FHAD1: variants seen among roughly 807,000 people sequenced by gnomAD.
FHAD1 encodes forkhead-associated domain-containing protein 1.
A neutral mutation model predicts 191.3 loss-of-function variants in FHAD1; 146 were observed. The ratio of observed to expected loss-of-function variants is 0.76; its 90% CI spans 0.67 to 0.88. FHAD1 has a LOEUF of 0.88. Ranked by LOEUF, FHAD1 falls within the 40% of genes least tolerant of loss-of-function variation. The pLI, the probability that FHAD1 is intolerant of heterozygous loss-of-function variation, is 0.00. For missense variants in FHAD1, 1,635 were observed against 1,785.8 expected (o/e 0.92, Z 1.52); for synonymous variants, 616 against 672.3 (o/e 0.92, Z 1.29).
chr1:15,239,008 T>A (rs189856108), intron 1 of FHAD1, among the ~76,000 whole-genome samples: 8 of 152,216 alleles, frequency 5.3e-5, no homozygotes, highest in Non-Finnish European at 8.8e-5. Context: ...CCTGGGCTGA[T>A]GCAATCCTCC....
At chr1:15,248,362 G>A (rs912190820) in intron 1 of FHAD1, among the ~76,000 whole-genome samples, 1 of 151,920 alleles carries the variant, frequency 6.6e-6, no homozygotes, top group Non-Finnish European at 1.5e-5. Context: ...AGAGACAAAG[G>A]ATGTTATTAC....
rs535031237 is a variant in FHAD1, at chr1:15,311,456, C to T, written c.1040-1601C>T. Among the ~76,000 whole-genome samples, 1 of 152,294 alleles carries T rather than the reference C, an allele frequency of 6.6e-6. No individual in the cohort carries two copies. Among genetic ancestry groups the T allele is most frequent in the South Asian group, 2.1e-4 (1 of 4,818 alleles). On this transcript the variant is annotated intron_variant, in intron 7 of 33. Transcript: ENST00000688493. This position sits in a 1 kb window ranked among gnomAD's most constrained non-coding sequence, Gnocchi z 4.1. ...CACTACACAGGGCACCTGGTAGAGA[C>T]TCAAGCCAAATTCATTCTAGAGAAA... is the stretch of plus-strand genomic sequence containing the variant.
chr1:15,300,801 C>T (rs1462088089), intron 5 of FHAD1, among the ~76,000 whole-genome samples: 1 of 152,120 alleles, frequency 6.6e-6, no homozygotes, highest in Non-Finnish European at 1.5e-5. Flanking sequence ...TGCCTGCCTG[C>T]CCTTACTTTC....
Position 15,316,308 on chromosome 1 carries a change from G to GC in FHAD1, c.1171-66dup. On this transcript the variant is annotated intron_variant, in intron 8 of 33. Transcript: ENST00000688493. This position sits in a 1 kb window ranked among gnomAD's most constrained non-coding sequence, Gnocchi z 4.3. ...TCAGGGGCTCACATGGGGCCTTGGAGCCCCTCCTTCCCCCGACAACCCTAC... is the reference window on the plus strand; with the variant it reads ...TCAGGGGCTCACATGGGGCCTTGGAGCCCCCTCCTTCCCCCGACAACCCTAC... 8.0e-7 allele frequency: 1 copy of GC among 1,256,554 alleles called. No individual in the cohort carries two copies. Among genetic ancestry groups the GC allele is most frequent in the Non-Finnish European group, 1.1e-6 (1 of 882,928 alleles). 77.8% of individuals were successfully genotyped at this position (1,256,554 alleles called of 1,614,324 possible). A position where few individuals can be genotyped will look rare whatever the true frequency, so the allele number is the denominator to read the frequency against.
At chr1:15,317,537 G>A (rs1674873130) in intron 9 of FHAD1, among the ~76,000 whole-genome samples, 1 of 152,246 alleles carries the variant, frequency 6.6e-6, no homozygotes, top group African/African-American at 2.4e-5. Context: ...GGTTTCAAGT[G>A]AGTTGATGGG....
Position 15,249,774 on chromosome 1 carries a change from C to T in FHAD1, c.-14-1997C>T, listed in dbSNP as rs140364756. Among the ~76,000 whole-genome samples, 994 of 152,214 alleles carry T rather than the reference C, an allele frequency of 6.5e-3. 3 individuals are homozygous for T. Among genetic ancestry groups the T allele is most frequent in the Non-Finnish European group, 0.011 (734 of 68,018 alleles). ...TCCCAAGTGACAACCTCTCCCTCCCCCCACTCAGTCACTCTCTCTGCTCCC... is the reference window on the plus strand; with the variant it reads ...TCCCAAGTGACAACCTCTCCCTCCCTCCACTCAGTCACTCTCTCTGCTCCC... On this transcript the variant is annotated intron_variant, in intron 1 of 33. Coordinates refer to ENST00000688493, the MANE Select transcript of FHAD1 (RefSeq NM_001391957.1).
intron 26 of FHAD1, among the ~76,000 whole-genome samples, chr1:15,372,007 C>G (rs913718995): frequency 1.3e-5 from 2 of 152,210 alleles, no homozygotes; most frequent in Non-Finnish European, 2.9e-5. Context: ...AAAGACTGCT[C>G]TCACGGAGCC....
intron 4 of FHAD1, among the ~76,000 whole-genome samples, chr1:15,290,286 G>T (rs1051441809): frequency 2.0e-5 from 3 of 152,058 alleles, no homozygotes; most frequent in Admixed American, 6.6e-5. Flanking sequence ...CATGGCACTT[G>T]GGGAGGAAAC....
rs1286164952 is a variant in FHAD1, at chr1:15,251,671, A to G, written c.-14-100A>G. The G allele has an allele frequency of 1.2e-5, 11 of 904,606 alleles. No individual in the cohort carries two copies. In the South Asian group the frequency reaches 1.6e-4, roughly 13 times the overall value. 56.0% of individuals were successfully genotyped at this position (904,606 alleles called of 1,614,324 possible). Reference sequence around the variant, plus strand: ...CCCCTCTTCTGATTTCTCACTTTGGACATGACTCTGTGGTTATTTCATTCA... The same window carrying G: ...CCCCTCTTCTGATTTCTCACTTTGGGCATGACTCTGTGGTTATTTCATTCA... On this transcript the variant is annotated intron_variant, in intron 1 of 33. Transcript: ENST00000688493.
chr1:15,258,221 A>G (rs567235098), intron 2 of FHAD1, among the ~76,000 whole-genome samples: 144 of 152,232 alleles, frequency 9.5e-4, no homozygotes, highest in African/African-American at 2.7e-3. Context: ...TACCTATTGA[A>G]GAAGAATTCC....
At chr1:15,254,827 C>T (rs910642521) in intron 2 of FHAD1, among the ~76,000 whole-genome samples, 1 of 152,086 alleles carries the variant, frequency 6.6e-6, no homozygotes, top group African/African-American at 2.4e-5. Context: ...AATCCTCTTC[C>T]GAAAGCTTAA....
intron 1 of FHAD1, among the ~76,000 whole-genome samples, chr1:15,238,581 G>A (rs1300556559): frequency 6.6e-6 from 1 of 152,218 alleles, no homozygotes; most frequent in African/African-American, 2.4e-5. Flanking sequence ...GAGCAGGGGT[G>A]TCAGCTTATA....
intron 23 of FHAD1, among the ~76,000 whole-genome samples, chr1:15,363,452 CTG>C (rs1695458522): frequency 6.6e-6 from 1 of 152,222 alleles, no homozygotes; most frequent in Non-Finnish European, 1.5e-5. Flanking sequence ...AACACTCCAG[CTG>C]TGTGACCCTG....
At chr1:15,340,910 G>A (rs1293304728) in intron 15 of FHAD1, among the ~76,000 whole-genome samples, 6 of 152,150 alleles carry the variant, frequency 3.9e-5, no homozygotes, top group African/African-American at 9.6e-5. Flanking sequence ...CGGCGGGCAC[G>A]GTGGCTCATG....
intron 2 of FHAD1, among the ~76,000 whole-genome samples, chr1:15,256,009 C>A (rs1647882635): frequency 6.6e-6 from 1 of 152,246 alleles, no homozygotes; most frequent in Non-Finnish European, 1.5e-5. Flanking sequence ...CTTTCAGAAT[C>A]TGCCCCTGCC....
intron 2 of FHAD1, among the ~76,000 whole-genome samples, chr1:15,260,927 G>A (rs993986837): frequency 2.6e-5 from 4 of 152,178 alleles, no homozygotes; most frequent in Non-Finnish European, 5.9e-5. Context: ...CAGGGATTAG[G>A]ACACGGACAC....
At chr1:15,249,651 A>G (rs1466123782) in intron 1 of FHAD1, among the ~76,000 whole-genome samples, 1 of 152,170 alleles carries the variant, frequency 6.6e-6, no homozygotes, top group South Asian at 2.1e-4. Flanking sequence ...CTTACTCCCA[A>G]GGGTCTTTTC....
chr1:15,257,374 A>G (rs1262442144), intron 2 of FHAD1, among the ~76,000 whole-genome samples: 1 of 152,246 alleles, frequency 6.6e-6, no homozygotes, highest in African/African-American at 2.4e-5. Context: ...GCTATGCGTG[A>G]ACCCCTCAAG....
chr1:15,392,680 C>G (rs1179221187), intron 33 of FHAD1, among the ~76,000 whole-genome samples: 1 of 152,146 alleles, frequency 6.6e-6, no homozygotes, highest in Non-Finnish European at 1.5e-5. Context: ...TTCAGGCTTG[C>G]TTGCTCATAA....
Sources: gnomAD v4.1 joint callset for allele counts (sites outside exome capture counted in the v4.1 genomes callset) on GRCh38, gnomAD v4.1.1 for gene constraint, Gnocchi (gnomAD v3.1) non-coding constraint, MANE v1.5 for transcripts, NCBI Gene and HGNC (gene_info 2026-07-23, HGNC 2026-07-21) for gene names.